The following CABLES1 variants were observed in gnomAD, a reference collection of about 807,000 sequenced individuals.
CABLES1 encodes Cdk5 and Abl enzyme substrate 1.
A neutral mutation model predicts 57.8 loss-of-function variants in CABLES1; 36 were observed. The observed-to-expected ratio is 0.62, with a 90% CI of 0.48 to 0.82. The LOEUF is 0.82. Ranked by LOEUF, CABLES1 falls within the 40% of genes least tolerant of loss-of-function variation. The pLI is 0.00. For missense variants in CABLES1, 767 were observed against 836.6 expected (o/e 0.92, Z 1.03); for synonymous variants, 374 against 363.0 (o/e 1.03, Z -0.35).
intron 4 of CABLES1, among the ~76,000 whole-genome samples, chr18:23,224,342 A>G (rs1316578554): frequency 1.3e-5 from 2 of 152,030 alleles, no homozygotes; most frequent in African/African-American, 2.4e-5. Flanking sequence ...ACCGGCGGCC[A>G]GGGAGGCAGT....
chr18:23,233,596 C>T (rs958322020), intron 4 of CABLES1, among the ~76,000 whole-genome samples: 15 of 152,286 alleles, frequency 9.8e-5, no homozygotes, highest in Admixed American at 8.5e-4. Flanking sequence ...ACCTGTAATC[C>T]CAGCACTTTA....
chr18:23,207,918 G>A (rs1568068066), intron 3 of CABLES1, among the ~76,000 whole-genome samples: 1 of 152,174 alleles, frequency 6.6e-6, no homozygotes, highest in South Asian at 2.1e-4. Context: ...GTACCACCAT[G>A]TGGTATTTGT....
intron 1 of CABLES1, among the ~76,000 whole-genome samples, chr18:23,154,103 T>A (rs1045671165): frequency 4.6e-5 from 7 of 150,682 alleles, no homozygotes; most frequent in Admixed American, 6.6e-5. Flanking sequence ...GTCTTCTAAT[T>A]AAAAAAAAAA....
chr18:23,147,462 G>A (rs2046898517), intron 1 of CABLES1, among the ~76,000 whole-genome samples: 1 of 152,246 alleles, frequency 6.6e-6, no homozygotes, highest in African/African-American at 2.4e-5. Flanking sequence ...GGCCCTTAGT[G>A]ATTGAGCAGG....
intron 4 of CABLES1, among the ~76,000 whole-genome samples, chr18:23,217,622 T>A (rs910274202): frequency 6.6e-6 from 1 of 151,632 alleles, no homozygotes; most frequent in Non-Finnish European, 1.5e-5. Context: ...GATTTTTAAA[T>A]TTTTTTTTAC....
At chr18:23,157,439 C>G (rs112018806) in intron 1 of CABLES1, among the ~76,000 whole-genome samples, 15 of 152,046 alleles carry the variant, frequency 9.9e-5, no homozygotes, top group Admixed American at 9.8e-4. Flanking sequence ...TCCTCATACC[C>G]TTGAGGTGGG....
chr18:23,237,146 T>G lies in CABLES1; in HGVS notation c.1347T>G (p.Ser449Arg). 1 of 1,604,720 alleles carries G rather than the reference T, an allele frequency of 6.2e-7. No individual in the cohort carries two copies. Among genetic ancestry groups the G allele is most frequent in the Non-Finnish European group, 8.5e-7 (1 of 1,171,418 alleles). Reference protein sequence around the residue: ...SGTQGSLDTGSDLGDFMDYDP... With the variant: ...SGTQGSLDTGRDLGDFMDYDP... ...CATTTTGCATGTGATCTTCAGGTAG[T>G]GACCTGGGAGACTTTATGGACTATG... The change falls in exon 7 of 10, where the codon AGT becomes AGG. Residue 449 changes from serine to arginine, a missense_variant. Physicochemically the swap from Ser to Arg is moderately radical, Grantham distance 110. Around this residue, in one of 4 missense-constraint regions of CABLES1, gnomAD observed 529 missense variants for 622.8 expected, o/e 0.85. Coordinates refer to ENST00000256925, the MANE Select transcript of CABLES1 (RefSeq NM_001100619.3).
chr18:23,158,752 C>T (rs943856513), intron 1 of CABLES1, among the ~76,000 whole-genome samples: 10 of 152,200 alleles, frequency 6.6e-5, no homozygotes, highest in Middle Eastern at 3.4e-3. Flanking sequence ...GTCCCTGCCT[C>T]GAACGTGTGA....
intron 9 of CABLES1, among the ~76,000 whole-genome samples, chr18:23,256,081 A>C (rs970830302): frequency 1.1e-4 from 16 of 152,192 alleles, no homozygotes; most frequent in African/African-American, 3.9e-4. Context: ...TTGACCAGCC[A>C]CTTACGGTAG....
chr18:23,217,074 TTTG>T (rs2047447690), intron 4 of CABLES1, among the ~76,000 whole-genome samples: 1 of 151,922 alleles, frequency 6.6e-6, no homozygotes, highest in Non-Finnish European at 1.5e-5. Context: ...ATTTTTTTGT[TTTG>T]TTTTTTGTTT....
Position 23,253,884 on chromosome 18 carries a change from C to T in CABLES1, c.1709C>T (p.Ala570Val), listed in dbSNP as rs2048100968. 1 of 1,614,186 alleles carries T rather than the reference C, an allele frequency of 6.2e-7. No homozygotes were observed. The highest frequency in any genetic ancestry group is 8.5e-7 in the Non-Finnish European group (1 of 1,180,032). ...TGTGCTGGGGCATGTGTGCTGTTAG[C>T]AGCCAAAATTGGAAGTGACCTCAAA... ...KLCAGACVLL[A>V]AKIGSDLKKH... is the part of the protein sequence containing the mutation. The change falls in exon 9 of 10, where the codon GCA becomes GTA. Residue 570 changes from alanine to valine, a missense_variant. Ala to Val is a moderately conservative substitution (Grantham distance 64). Transcript: ENST00000256925.
rs371593365 is a variant in CABLES1, at chr18:23,173,219, A to C, written c.846-15619A>C. ...TGCTGGAGCATCTGTCGATGTGCTG[A>C]GCGGGCCCTGCTCTGGGAGGGTTTG... is the stretch of plus-strand genomic sequence containing the variant. On this transcript the variant is annotated intron_variant, in intron 1 of 9. Coordinates refer to ENST00000256925, the MANE Select transcript of CABLES1 (RefSeq NM_001100619.3). 4.5e-4 allele frequency among the ~76,000 whole-genome samples: 69 copies of C among 152,322 alleles called. 1 individual carries two copies. Among genetic ancestry groups the C allele is most frequent in the African/African-American group, 1.4e-3 (60 of 41,582 alleles).
At chr18:23,187,785 T>C (rs2047213674) in intron 1 of CABLES1, among the ~76,000 whole-genome samples, 1 of 152,196 alleles carries the variant, frequency 6.6e-6, no homozygotes, top group Admixed American at 6.5e-5. Context: ...ATGACCTTTC[T>C]GATTGTCTTA....
intron 3 of CABLES1, among the ~76,000 whole-genome samples, chr18:23,212,323 T>G (rs555546715): frequency 4.5e-4 from 69 of 152,226 alleles, no homozygotes; most frequent in Non-Finnish European, 8.1e-4. Context: ...TCTTACAGCA[T>G]TCCAATAAGA....
chr18:23,207,538 A>G (rs1014111751), intron 3 of CABLES1, among the ~76,000 whole-genome samples: 1 of 152,134 alleles, frequency 6.6e-6, no homozygotes, highest in Non-Finnish European at 1.5e-5. Context: ...AGCGCCCCCT[A>G]GTTCCCATCA....
intron 1 of CABLES1, among the ~76,000 whole-genome samples, chr18:23,181,496 C>CAAAAAAAAAAAAAAAAAAAA (rs59742943): frequency 5.7e-5 from 2 of 35,398 alleles, no homozygotes; most frequent in Non-Finnish European, 1.0e-4. Flanking sequence ...AGCTTCGTCT[C>CAAAAAAAAAAAAAAAAAAAA]AAAAAAAAAA....
intron 2 of CABLES1, chr18:23,189,129 T>C: frequency 2.0e-6 from 1 of 494,404 alleles, no homozygotes; most frequent in South Asian, 2.5e-5. Flanking sequence ...CCAATTTGCA[T>C]GGAGATTTGG....
At chr18:23,154,449 A>C (rs1179081453) in intron 1 of CABLES1, among the ~76,000 whole-genome samples, 4 of 152,334 alleles carry the variant, frequency 2.6e-5, no homozygotes, top group African/African-American at 9.6e-5. Flanking sequence ...ACATCTGCCG[A>C]TTCCTTAATC....
At chr18:23,147,289 C>A (rs1387284596) in intron 1 of CABLES1, among the ~76,000 whole-genome samples, 1 of 152,262 alleles carries the variant, frequency 6.6e-6, no homozygotes, top group Non-Finnish European at 1.5e-5. Flanking sequence ...TTTGGAGCTC[C>A]ATAGCTCTGC....
Sources: gnomAD v4.1 joint callset for allele counts (sites outside exome capture counted in the v4.1 genomes callset) on GRCh38, gnomAD v4.1.1 for gene constraint, gnomAD v4.1.1 regional missense constraint, MANE v1.5 for transcripts, NCBI Gene and HGNC (gene_info 2026-07-23, HGNC 2026-07-21) for gene names.